The following PACS1 variants were observed in gnomAD, a reference collection of about 807,000 sequenced individuals.
PACS1 encodes phosphofurin acidic cluster sorting protein 1.
A neutral mutation model predicts 115.0 loss-of-function variants in PACS1; 24 were observed. The ratio of observed to expected loss-of-function variants is 0.21; its 90% confidence interval spans 0.15 to 0.29. PACS1 has a LOEUF of 0.29. Among genes scored for constraint, PACS1 ranks in the 10% least tolerant of loss-of-function variants. The pLI is 1.00. For synonymous variants in PACS1, 453 were observed against 504.5 expected (o/e 0.90, Z 1.37); for missense variants, 838 against 1,251.2 (o/e 0.67, Z 4.98).
intron 1 of PACS1, among the ~76,000 whole-genome samples, chr11:66,140,146 G>A (rs1858944496): frequency 6.6e-6 from 1 of 152,190 alleles, no homozygotes; most frequent in African/African-American, 2.4e-5. Context: ...ATGCGGGTAA[G>A]AATGTTCTGG....
chr11:66,238,963 C>T, intron 20 of PACS1, 117 bp downstream of exon 20: 3 of 1,364,512 alleles, frequency 2.2e-6, no homozygotes, highest in Non-Finnish European at 3.1e-6. Flanking sequence ...AGAGCTTGAG[C>T]AGGAAGCCTA....
intron 1 of PACS1, among the ~76,000 whole-genome samples, chr11:66,190,785 G>A (rs184037177): frequency 2.0e-5 from 3 of 152,282 alleles, no homozygotes; most frequent in Admixed American, 1.3e-4. Context: ...AGAAACAGGC[G>A]GTACTGTGGG....
At chr11:66,108,482 A>G (rs1329632083) in intron 1 of PACS1, among the ~76,000 whole-genome samples, 2 of 152,164 alleles carry the variant, frequency 1.3e-5, no homozygotes, top group African/African-American at 4.8e-5. Context: ...CAGAGCTTTG[A>G]GAGGCCAAAG....
chr11:66,232,960 T>C lies in PACS1; in HGVS notation c.1732T>C (p.Tyr578His). The C allele has an allele frequency of 3.7e-6, 6 of 1,610,850 alleles. No homozygotes were observed. Among genetic ancestry groups the C allele is most frequent in the Non-Finnish European group, 5.1e-6 (6 of 1,177,990 alleles). ...LVNTTDWQGQ[Y>H]VAELLQDQRK... Reference sequence around the variant, plus strand: ...CTGCTCTCCTCCCTCCCTATCCCAGTATGTGGCTGAGCTGCTCCAGGACCA... The same window carrying C: ...CTGCTCTCCTCCCTCCCTATCCCAGCATGTGGCTGAGCTGCTCCAGGACCA... Residue 578 changes from tyrosine (Y) to histidine (H), a missense_variant and splice_region_variant, in exon 15 of 24, where the codon TAT becomes CAT. By Grantham distance (83) the Tyr-to-His change is moderately conservative (BLOSUM62 2). Transcript: ENST00000320580.
chr11:66,240,185 C>T (rs766912786), intron 21 of PACS1, among the ~76,000 whole-genome samples: 7 of 152,224 alleles, frequency 4.6e-5, no homozygotes, highest in South Asian at 2.1e-4. Context: ...CGGGAGCAAG[C>T]GGCGGAGCTC....
At chr11:66,079,321 T>TTTTA (rs58637732) in intron 1 of PACS1, among the ~76,000 whole-genome samples, 1 of 146,466 alleles carries the variant, frequency 6.8e-6, no homozygotes, top group East Asian at 2.0e-4. Flanking sequence ...TTTTTTTTTT[T>TTTTA]AATAGTTTAT....
At chr11:66,218,550 C>T (rs1855266391) in intron 7 of PACS1, 1 of 152,116 alleles carries the variant, frequency 6.6e-6, no homozygotes, top group Non-Finnish European at 1.5e-5. Flanking sequence ...AATTTTTATT[C>T]AAGGCAGAAG....
chr11:66,232,160 T>C lies in PACS1; in HGVS notation c.1627-12T>C, dbSNP rs1367787566. ...ACTCCCTAACAAGAGACACTTTCTT[T>C]TGTTCCTGCAGATTCCAAGAAAGGT... On this transcript the variant is annotated splice_polypyrimidine_tract_variant and intron_variant, in intron 13 of 23. Transcript: ENST00000320580. 6.3e-7 allele frequency: 1 copy of C among 1,583,160 alleles called. No homozygotes were observed. Among genetic ancestry groups the C allele is most frequent in the Non-Finnish European group, 8.7e-7 (1 of 1,151,832 alleles).
At chr11:66,147,837 A>G (rs1859160895) in intron 1 of PACS1, among the ~76,000 whole-genome samples, 1 of 152,184 alleles carries the variant, frequency 6.6e-6, no homozygotes, top group Non-Finnish European at 1.5e-5. Context: ...TATAAAAATA[A>G]CTAATTATTG....
intron 1 of PACS1, among the ~76,000 whole-genome samples, chr11:66,102,941 C>T (rs973775014): frequency 6.6e-6 from 1 of 152,078 alleles, no homozygotes; most frequent in African/African-American, 2.4e-5. Flanking sequence ...AGCCATTCTC[C>T]TGCCTCAGCT....
At chr11:66,224,398 C>T (rs1855430022) in intron 10 of PACS1, among the ~76,000 whole-genome samples, 1 of 152,230 alleles carries the variant, frequency 6.6e-6, no homozygotes, top group South Asian at 2.1e-4. Flanking sequence ...TGTTAAAGCT[C>T]GTGCCTCCCA....
At chr11:66,208,850 A>T (rs964474132) in intron 2 of PACS1, among the ~76,000 whole-genome samples, 11 of 152,180 alleles carry the variant, frequency 7.2e-5, no homozygotes, top group Non-Finnish European at 1.5e-4. Flanking sequence ...GCTACTTTCT[A>T]AAAGGGTTAT....
intron 1 of PACS1, among the ~76,000 whole-genome samples, chr11:66,072,014 A>C (rs2134488851): frequency 6.6e-6 from 1 of 152,274 alleles, no homozygotes; most frequent in Admixed American, 6.5e-5. Context: ...TCTTCCTTCT[A>C]CAAAGGTAAA....
intron 1 of PACS1, among the ~76,000 whole-genome samples, chr11:66,186,796 A>G (rs1424888431): frequency 6.6e-6 from 1 of 152,196 alleles, no homozygotes; most frequent in Non-Finnish European, 1.5e-5. Context: ...CAGATTGCAT[A>G]CAGTGGAGTG....
At chr11:66,210,951 A>G (rs1190159892) in intron 3 of PACS1, among the ~76,000 whole-genome samples, 183 bp from the exon 4 acceptor site, 1 of 152,222 alleles carries the variant, frequency 6.6e-6, no homozygotes, top group Non-Finnish European at 1.5e-5. Context: ...GCTGTGGCGT[A>G]GAAGCCAGGC....
intron 1 of PACS1, among the ~76,000 whole-genome samples, chr11:66,096,867 T>C (rs7946447): frequency 0.24 from 34,921 of 144,098 alleles, 4,419 homozygotes; most frequent in African/African-American, 0.34. Flanking sequence ...CTCTCTCTCT[T>C]TTTTTTTTTT....
intron 2 of PACS1, among the ~76,000 whole-genome samples, chr11:66,197,884 T>G (rs564744077): frequency 9.8e-5 from 15 of 152,360 alleles, no homozygotes; most frequent in African/African-American, 3.1e-4. Flanking sequence ...TATATCACTT[T>G]GCGTCTGGAT....
intron 1 of PACS1, among the ~76,000 whole-genome samples, chr11:66,113,979 G>A (rs1858246148): frequency 6.6e-6 from 1 of 152,164 alleles, no homozygotes; most frequent in Non-Finnish European, 1.5e-5. Context: ...CACCTCCCCA[G>A]ACAAAAATAC....
At chr11:66,119,121 C>G (rs1294344541) in intron 1 of PACS1, among the ~76,000 whole-genome samples, 1 of 152,240 alleles carries the variant, frequency 6.6e-6, no homozygotes, top group Non-Finnish European at 1.5e-5. Context: ...TGCTTGTCCT[C>G]TGCTCTCTTC....
Sources: allele counts gnomAD v4.1 joint callset (sites outside exome capture counted in the v4.1 genomes callset), GRCh38; gene constraint gnomAD v4.1.1; transcripts MANE v1.5; gene names NCBI Gene and HGNC (gene_info 2026-07-23, HGNC 2026-07-21).